Variants in STPG2 observed in about 807,000 individuals in gnomAD.
STPG2 encodes sperm tail PG-rich repeat containing 2.
A neutral mutation model predicts 54.2 loss-of-function variants in STPG2; 56 were observed. The ratio of observed to expected loss-of-function variants is 1.03; its 90% CI spans 0.83 to 1.29. The LOEUF (loss-of-function observed/expected upper bound fraction) is 1.29. Ranked by LOEUF, STPG2 falls within the 50% of genes most tolerant of loss-of-function variation. The pLI, the probability that STPG2 is intolerant of heterozygous loss-of-function variation, is 0.00. For synonymous variants in STPG2, 200 were observed against 181.8 expected (o/e 1.10, Z -0.81); for missense variants, 596 against 544.9 (o/e 1.09, Z -0.93).
chr4:97,701,292 T>C (rs1723766629), intron 10 of STPG2, among the ~76,000 whole-genome samples: 1 of 152,136 alleles, frequency 6.6e-6, no homozygotes, highest in African/African-American at 2.4e-5. Flanking sequence ...AGGGACCCAC[T>C]GGACCCACTG....
chr4:97,567,939 C>A (rs1186232534), intron 10 of STPG2, among the ~76,000 whole-genome samples: 5 of 151,992 alleles, frequency 3.3e-5, no homozygotes, highest in Non-Finnish European at 5.9e-5. Context: ...AGAGTAGGAG[C>A]CCTATTGAAC....
At chr4:97,861,293 T>C (rs1578631773) in intron 8 of STPG2, among the ~76,000 whole-genome samples, 1 of 152,154 alleles carries the variant, frequency 6.6e-6, no homozygotes, top group East Asian at 1.9e-4. Flanking sequence ...TATAATGAGA[T>C]ATCATCTCAA....
intron 8 of STPG2, among the ~76,000 whole-genome samples, chr4:97,886,033 G>C (rs1018534035): frequency 6.6e-6 from 1 of 152,082 alleles, no homozygotes; most frequent in African/African-American, 2.4e-5. Context: ...TATGCAATAG[G>C]CAAAGATCAA....
At chr4:97,634,833 G>A (rs1721450355) in intron 10 of STPG2, among the ~76,000 whole-genome samples, 1 of 150,696 alleles carries the variant, frequency 6.6e-6, no homozygotes, top group Non-Finnish European at 1.5e-5. Flanking sequence ...AGAAATATGG[G>A]ACTATGTGAA....
chr4:97,947,943 C>T (rs1429071834), intron 7 of STPG2, among the ~76,000 whole-genome samples: 1 of 152,060 alleles, frequency 6.6e-6, no homozygotes, highest in Non-Finnish European at 1.5e-5. Flanking sequence ...AGGATTCCTT[C>T]TTTCTCAATC....
At chr4:97,972,523 T>A in intron 6 of STPG2, 83 bp from the exon 7 acceptor site, 11 of 800,506 alleles carry the variant, frequency 1.4e-5, no homozygotes, top group Non-Finnish European at 2.0e-5. Flanking sequence ...TAATTAAGGG[T>A]TTTTTTCTAA....
At chr4:97,803,788 G>T (rs564779050) in intron 9 of STPG2, among the ~76,000 whole-genome samples, 1 of 152,090 alleles carries the variant, frequency 6.6e-6, no homozygotes, top group African/African-American at 2.4e-5. Flanking sequence ...TGATCTGCCC[G>T]CCTAGGCCTC....
rs115383296 is a variant in STPG2 at position 97,962,088 on chromosome 4, T to C, written c.933+10192A>G. On this transcript the variant is annotated intron_variant, in intron 7 of 10. Transcript: ENST00000295268. Reference sequence around the variant, plus strand: ...TGGTTGAGACTGGAGACTATTATTCTTAGCGAAGTAACTCAGGAATGGAAA... The same window carrying C: ...TGGTTGAGACTGGAGACTATTATTCCTAGCGAAGTAACTCAGGAATGGAAA... 1.9e-3 allele frequency among the ~76,000 whole-genome samples: 293 copies of C among 152,302 alleles called. 2 individuals carry two copies. Among genetic ancestry groups the C allele is most frequent in the African/African-American group, 6.7e-3 (280 of 41,566 alleles).
intron 4 of STPG2, among the ~76,000 whole-genome samples, chr4:97,506,442 C>T (rs879815879): frequency 2.0e-5 from 3 of 151,602 alleles, no homozygotes; most frequent in Non-Finnish European, 4.4e-5. Context: ...AAGGCAATTC[C>T]AGACAAATAA....
At chr4:97,481,171 A>G (rs1205139386) in intron 4 of STPG2, among the ~76,000 whole-genome samples, 1 of 151,598 alleles carries the variant, frequency 6.6e-6, no homozygotes, top group Non-Finnish European at 1.5e-5. Flanking sequence ...TCTATTGAAT[A>G]ACTTTAGCAT....
chr4:98,072,961 T>C (rs908491484), intron 5 of STPG2, among the ~76,000 whole-genome samples: 3 of 152,148 alleles, frequency 2.0e-5, no homozygotes, highest in African/African-American at 7.2e-5. Context: ...ATTTGTAACG[T>C]GTACAATAAT....
At chr4:97,453,324 G>A (rs908660340) in intron 4 of STPG2, among the ~76,000 whole-genome samples, 1 of 152,212 alleles carries the variant, frequency 6.6e-6, no homozygotes, top group Non-Finnish European at 1.5e-5. Context: ...GTCTGACTGT[G>A]CAGTATCTGG....
At chr4:97,514,012 G>C (rs1731026504) in intron 4 of STPG2, among the ~76,000 whole-genome samples, 1 of 152,074 alleles carries the variant, frequency 6.6e-6, no homozygotes, top group South Asian at 2.1e-4. Context: ...ATGGTCTTTG[G>C]ATTTTGCATT....
intron 10 of STPG2, among the ~76,000 whole-genome samples, chr4:97,560,324 A>G (rs1412255303): frequency 1.3e-5 from 2 of 152,172 alleles, no homozygotes; most frequent in Non-Finnish European, 2.9e-5. Flanking sequence ...GTCATCAATC[A>G]TATTGTAAAA....
At chr4:97,468,492 A>G (rs1206619091) in intron 4 of STPG2, among the ~76,000 whole-genome samples, 1 of 151,974 alleles carries the variant, frequency 6.6e-6, no homozygotes, top group Non-Finnish European at 1.5e-5. Flanking sequence ...AGCATCAGTC[A>G]TCTCCTTTTG....
intron 5 of STPG2, among the ~76,000 whole-genome samples, chr4:97,995,591 T>C (rs1433495291): frequency 4.6e-5 from 7 of 151,608 alleles, no homozygotes; most frequent in South Asian, 2.1e-4. Flanking sequence ...ACCAGGATAT[T>C]GGGAAAAGAC....
intron 10 of STPG2, among the ~76,000 whole-genome samples, chr4:97,698,342 C>T (rs935206562): frequency 6.6e-6 from 1 of 152,264 alleles, no homozygotes. Context: ...TCCTTACCAC[C>T]GTTGTGGAGT....
chr4:97,685,336 G>C (rs1197014643), intron 10 of STPG2, among the ~76,000 whole-genome samples: 2 of 152,022 alleles, frequency 1.3e-5, no homozygotes, highest in African/African-American at 2.4e-5. Flanking sequence ...CAGGTGAATG[G>C]ATAAACTATG....
At chr4:97,741,266 G>T (rs1001182407) in intron 9 of STPG2, among the ~76,000 whole-genome samples, 8 of 152,210 alleles carry the variant, frequency 5.3e-5, no homozygotes, top group East Asian at 1.9e-4. Context: ...AACCCTAGAA[G>T]AAAACCTAGG....
Sources: allele counts gnomAD v4.1 joint callset (sites outside exome capture counted in the v4.1 genomes callset), GRCh38; gene constraint gnomAD v4.1.1; transcripts MANE v1.5; gene names NCBI Gene and HGNC (gene_info 2026-07-23, HGNC 2026-07-21).